The following NAALADL2 variants were observed in gnomAD, a reference collection of about 807,000 sequenced individuals.
NAALADL2 encodes N-acetylated alpha-linked acidic dipeptidase like 2.
A neutral mutation model predicts 87.2 loss-of-function variants in NAALADL2; 76 were observed. That is an observed-to-expected ratio of 0.87 (90% CI 0.72 to 1.05). The LOEUF (loss-of-function observed/expected upper bound fraction) is 1.05, where lower values mean the gene tolerates loss of function less well. Among genes scored for constraint, NAALADL2 ranks in the 50% least tolerant of loss-of-function variants. The pLI is 0.00. For synonymous variants in NAALADL2, 354 were observed against 331.0 expected (o/e 1.07, Z -0.75); for missense variants, 1,089 against 945.8 (o/e 1.15, Z -1.99).
At chr3:174,510,808 G>GT (rs66735409) in intron 1 of NAALADL2, among the ~76,000 whole-genome samples, 7 of 150,968 alleles carry the variant, frequency 4.6e-5, no homozygotes, top group Admixed American at 4.0e-4. Flanking sequence ...TGATTTAAGA[G>GT]TTTTTTTTCT....
At chr3:174,762,853 A>G (rs929563666) in intron 3 of NAALADL2, among the ~76,000 whole-genome samples, 3 of 152,202 alleles carry the variant, frequency 2.0e-5, no homozygotes, top group African/African-American at 7.2e-5. Context: ...ATGGAGCTTG[A>G]AAAATTAAAA....
intron 1 of NAALADL2, among the ~76,000 whole-genome samples, chr3:175,004,429 A>AGACT (rs1377088292): frequency 6.8e-6 from 1 of 146,714 alleles, no homozygotes; most frequent in Non-Finnish European, 1.5e-5. Context: ...TCATAGGTAG[A>AGACT]GACTGAAAAG....
At chr3:175,710,047 A>G (rs774383792) in intron 11 of NAALADL2, among the ~76,000 whole-genome samples, 8 of 152,030 alleles carry the variant, frequency 5.3e-5, no homozygotes, top group Non-Finnish European at 8.8e-5. Context: ...TTTTTTTAAG[A>G]TGGAAGATAA....
chr3:175,101,170 A>G (rs1241385529), intron 2 of NAALADL2, among the ~76,000 whole-genome samples: 1 of 152,174 alleles, frequency 6.6e-6, no homozygotes, highest in African/African-American at 2.4e-5. Context: ...TGAAGTGTTG[A>G]TCACCAAAGT....
intron 5 of NAALADL2, among the ~76,000 whole-genome samples, chr3:175,385,020 AC>A (rs1768209587): frequency 6.6e-6 from 1 of 152,044 alleles, no homozygotes; most frequent in Non-Finnish European, 1.5e-5. Flanking sequence ...GGGACCTCCC[AC>A]CAACTCAACA....
rs3040106 is a variant in NAALADL2 at position 174,819,058 on chromosome 3, C to CTTTTTTTTTT, written c.-9+81331_-9+81340dup. ...GAATTTCTTTATTATACCATTTATT[C>CTTTTTTTTTT]TTTTTTTTTTTTTTTTTTTTTTTTT... is the stretch of plus-strand genomic sequence containing the variant. On this transcript the variant is annotated intron_variant, in intron 3 of 3. Transcript: ENST00000434257. Among the ~76,000 whole-genome samples the CTTTTTTTTTT allele has an allele frequency of 9.3e-4, 44 of 47,544 alleles. 6 individuals carry two copies. Among genetic ancestry groups the CTTTTTTTTTT allele is most frequent in the East Asian group, 2.2e-3 (3 of 1,378 alleles). The allele number at this position is 47,544 out of a possible 152,430, so 31.2% of individuals were successfully genotyped here.
chr3:175,642,236 C>T (rs1729387146), intron 11 of NAALADL2, among the ~76,000 whole-genome samples: 1 of 152,138 alleles, frequency 6.6e-6, no homozygotes, highest in Non-Finnish European at 1.5e-5. Context: ...TTTTTAATTT[C>T]TAAAACAGAA....
At chr3:175,507,300 T>G (rs2149384853) in intron 9 of NAALADL2, among the ~76,000 whole-genome samples, 1 of 152,296 alleles carries the variant, frequency 6.6e-6, no homozygotes, top group South Asian at 2.1e-4. Flanking sequence ...GTGCAAAATT[T>G]TTGCTCCTGC....
chr3:175,319,154 CTT>C (rs1371614397), intron 4 of NAALADL2, among the ~76,000 whole-genome samples: 2 of 152,212 alleles, frequency 1.3e-5, no homozygotes, highest in African/African-American at 4.8e-5. Flanking sequence ...ATTCTTTGCT[CTT>C]TTTCCTTTTC....
chr3:175,306,005 A>G (rs909818897), intron 4 of NAALADL2, among the ~76,000 whole-genome samples: 63 of 152,136 alleles, frequency 4.1e-4, no homozygotes, highest in Admixed American at 2.0e-3. Flanking sequence ...CTAGGATTTC[A>G]TTCTCTTTAT....
At chr3:174,684,246 G>T (rs1645473105) in intron 2 of NAALADL2, among the ~76,000 whole-genome samples, 1 of 152,048 alleles carries the variant, frequency 6.6e-6, no homozygotes, top group Non-Finnish European at 1.5e-5. Context: ...TTCAGGTGGA[G>T]TAAATAATAA....
intron 2 of NAALADL2, among the ~76,000 whole-genome samples, chr3:175,163,847 A>T (rs954741181): frequency 6.6e-6 from 1 of 152,212 alleles, no homozygotes; most frequent in Non-Finnish European, 1.5e-5. Flanking sequence ...AGAAAATTCA[A>T]TGATTCATGA....
chr3:174,927,597 C>G (rs775544892), intron 1 of NAALADL2, among the ~76,000 whole-genome samples: 19 of 152,144 alleles, frequency 1.2e-4, no homozygotes, highest in Non-Finnish European at 2.6e-4. Flanking sequence ...ACAACCTGCT[C>G]CTGAATGACT....
At chr3:174,567,761 T>A (rs980885683) in intron 2 of NAALADL2, among the ~76,000 whole-genome samples, 1 of 151,660 alleles carries the variant, frequency 6.6e-6, no homozygotes, top group Non-Finnish European at 1.5e-5. Context: ...AATGTAAGTA[T>A]TAAATGGAAA....
chr3:175,533,726 C>A (rs1412059303), intron 9 of NAALADL2, among the ~76,000 whole-genome samples: 1 of 152,140 alleles, frequency 6.6e-6, no homozygotes, highest in Admixed American at 6.5e-5. Flanking sequence ...TGCAGGTCAG[C>A]CACTTGCTTG....
intron 5 of NAALADL2, among the ~76,000 whole-genome samples, chr3:175,351,039 A>G (rs181480132): frequency 1.3e-5 from 2 of 152,282 alleles, no homozygotes; most frequent in East Asian, 1.9e-4. Context: ...AAAATTATCA[A>G]TTGCATATAC....
intron 3 of NAALADL2, among the ~76,000 whole-genome samples, chr3:174,768,872 A>G (rs1714181159): frequency 1.3e-5 from 2 of 151,970 alleles, no homozygotes; most frequent in South Asian, 4.1e-4. Context: ...TAATTTTGCC[A>G]CTGATTTTTT....
intron 5 of NAALADL2, among the ~76,000 whole-genome samples, chr3:175,339,026 C>G (rs1400349827): frequency 2.0e-5 from 3 of 152,308 alleles, no homozygotes; most frequent in Admixed American, 6.5e-5. Flanking sequence ...TGAAACAAAG[C>G]CTCCAGTGCA....
At chr3:175,558,008 C>A (rs191019484) in intron 9 of NAALADL2, among the ~76,000 whole-genome samples, 5,746 of 151,858 alleles carry the variant, frequency 0.038, 163 homozygotes, top group South Asian at 0.15. Flanking sequence ...TCCTGGCTAA[C>A]ATGGTGAAAC....
Sources: allele counts gnomAD v4.1 joint callset (sites outside exome capture counted in the v4.1 genomes callset), GRCh38; gene constraint gnomAD v4.1.1; transcripts MANE v1.5; gene names NCBI Gene and HGNC (gene_info 2026-07-23, HGNC 2026-07-21).